ANKRD12: variants seen among roughly 807,000 people sequenced by gnomAD.
ANKRD12 encodes ankyrin repeat domain-containing protein 12.
A neutral mutation model predicts 183.4 loss-of-function variants in ANKRD12; 85 were observed. The ratio of observed to expected loss-of-function variants is 0.46; its 90% CI spans 0.39 to 0.56. ANKRD12 has a LOEUF of 0.56. Ranked by LOEUF, ANKRD12 falls within the 20% of genes least tolerant of loss-of-function variation. ANKRD12 has a pLI of 0.00. For synonymous variants in ANKRD12, 914 were observed against 800.2 expected (o/e 1.14, Z -2.40); for missense variants, 2,405 against 2,357.1 (o/e 1.02, Z -0.42).
chr18:9,251,066 T>C (rs185133602), intron 8 of ANKRD12, among the ~76,000 whole-genome samples: 76 of 152,350 alleles, frequency 5.0e-4, no homozygotes, highest in African/African-American at 1.7e-3. Flanking sequence ...GACAGTAATA[T>C]ATTTTCTAAA....
At position 9,283,790 on chromosome 18, in the gene ANKRD12, T is replaced by C. The variant is rs1274947440; in HGVS notation, c.*2664T>C. On this transcript the variant is annotated 3_prime_UTR_variant, in exon 13 of 13. Transcript: ENST00000262126. ...AAGAGTGAAATGTGTGCTAACTGTT[T>C]TTTTACTTAATTTTACTTGGGCAGC... is the stretch of plus-strand genomic sequence containing the variant. 1 of 152,662 alleles carries C rather than the reference T, an allele frequency of 6.6e-6. No individual in the cohort carries two copies. Among genetic ancestry groups the C allele is most frequent in the Admixed American group, 6.5e-5 (1 of 15,284 alleles). 9.5% of individuals were successfully genotyped at this position (152,662 alleles called of 1,614,324 possible). A position where few individuals can be genotyped will look rare whatever the true frequency, so the allele number is the denominator to read the frequency against.
At position 9,217,832 on chromosome 18, in the gene ANKRD12, T is replaced by G. The variant is rs549328266; in HGVS notation, c.795+932T>G. ...GCATTTTATGTTGTTTTCTGTTATT[T>G]ACTCTGGAACTGCTTGTCACCTAGA... On this transcript the variant is annotated intron_variant, in intron 7 of 12. Coordinates refer to ENST00000262126, the MANE Select transcript of ANKRD12 (RefSeq NM_015208.5). Among the ~76,000 whole-genome samples, 9 of 152,338 alleles carry G rather than the reference T, an allele frequency of 5.9e-5. No homozygotes were observed. In the South Asian group the frequency reaches 1.9e-3, roughly 32 times the overall value.
At chr18:9,164,141 G>GAT (rs1252436783) in intron 1 of ANKRD12, among the ~76,000 whole-genome samples, 1 of 152,140 alleles carries the variant, frequency 6.6e-6, no homozygotes, top group African/African-American at 2.4e-5. Context: ...CATTTAATAT[G>GAT]ATAATAGCTG....
chr18:9,223,608 T>C (rs935604491), intron 8 of ANKRD12, among the ~76,000 whole-genome samples: 1 of 152,124 alleles, frequency 6.6e-6, no homozygotes, highest in African/African-American at 2.4e-5. Context: ...GATAAAAGTG[T>C]ATTGCCTTCT....
intron 3 of ANKRD12, among the ~76,000 whole-genome samples, chr18:9,196,250 A>G (rs961468170): frequency 4.7e-5 from 7 of 148,216 alleles, no homozygotes; most frequent in Non-Finnish European, 8.9e-5. Flanking sequence ...AGTGCTTTTC[A>G]TAGAATTTTT....
At chr18:9,154,637 TG>T (rs1373281215) in intron 1 of ANKRD12, among the ~76,000 whole-genome samples, 1 of 152,184 alleles carries the variant, frequency 6.6e-6, no homozygotes, top group Non-Finnish European at 1.5e-5. Flanking sequence ...GTGACAAGAA[TG>T]TAAGCAGGAA....
chr18:9,201,179 C>T (rs568359519), intron 3 of ANKRD12, among the ~76,000 whole-genome samples: 4 of 152,210 alleles, frequency 2.6e-5, no homozygotes, highest in South Asian at 2.1e-4. Context: ...GTATAGGTAT[C>T]GTATAATATC....
intron 8 of ANKRD12, among the ~76,000 whole-genome samples, chr18:9,239,297 G>C (rs1342375725): frequency 6.6e-6 from 1 of 152,168 alleles, no homozygotes; most frequent in Non-Finnish European, 1.5e-5. Context: ...ATGAAAAGCA[G>C]CTTTGTTATA....
intron 10 of ANKRD12, among the ~76,000 whole-genome samples, chr18:9,268,315 C>T (rs556472117): frequency 1.1e-4 from 17 of 151,964 alleles, no homozygotes; most frequent in African/African-American, 4.1e-4. Flanking sequence ...GACACAACAA[C>T]AAAAAAAGAG....
chr18:9,239,096 A>G (rs1035820206), intron 8 of ANKRD12, among the ~76,000 whole-genome samples: 10 of 152,202 alleles, frequency 6.6e-5, no homozygotes, highest in African/African-American at 2.4e-4. Flanking sequence ...CTGTACTCCA[A>G]CCTGGACAAC....
intron 9 of ANKRD12, chr18:9,260,395 C>T (rs1478336852): frequency 6.6e-6 from 1 of 152,172 alleles, no homozygotes; most frequent in Non-Finnish European, 1.5e-5. Context: ...AAAACATACC[C>T]AGAGTCAGTT....
chr18:9,267,051 C>A (rs1271698731), intron 10 of ANKRD12, among the ~76,000 whole-genome samples: 3 of 152,072 alleles, frequency 2.0e-5, no homozygotes, highest in Admixed American at 6.5e-5. Flanking sequence ...GGGATCAATT[C>A]AACAAGAAGA....
In ANKRD12 at chr18:9,227,525, G is replaced by A. The variant is rs548304498; in HGVS notation, c.943+5526G>A. Among the ~76,000 whole-genome samples, 111 of 152,292 alleles carry A rather than the reference G, an allele frequency of 7.3e-4. 1 individual carries two copies. The highest frequency in any genetic ancestry group is 7.2e-3 in the Admixed American group (110 of 15,312). On this transcript the variant is annotated intron_variant, in intron 8 of 12. Coordinates refer to ENST00000262126, the MANE Select transcript of ANKRD12 (RefSeq NM_015208.5). ...GGGAAGCTATCAAAGACTAATATAA[G>A]ATCTTACCGAAAGGTGTTAGGAGAC...
In ANKRD12 at chr18:9,257,753, A is replaced by G. The variant is rs917123467; in HGVS notation, c.4486A>G (p.Ser1496Gly). Residue 1496 changes from serine (S) to glycine (G), a missense_variant, in exon 9 of 13, where the codon AGC (serine) becomes GGC (glycine). Coordinates refer to ENST00000262126, the MANE Select transcript of ANKRD12 (RefSeq NM_015208.5). ...MPPQQPCSFP[S>G]QSLSDAESIS... The stretch of plus-strand genomic sequence containing the variant: ...TCCACAGCAGCCTTGCTCTTTCCCC[A>G]GCCAATCACTTTCAGATGCTGAATC... 2 of 1,614,078 alleles carry G rather than the reference A, an allele frequency of 1.2e-6. No homozygotes were observed. The highest frequency in any genetic ancestry group is 3.3e-5 in the Admixed American group (2 of 59,968).
chr18:9,141,501 G>A (rs898910910), intron 1 of ANKRD12, among the ~76,000 whole-genome samples: 2 of 152,120 alleles, frequency 1.3e-5, no homozygotes, highest in African/African-American at 4.8e-5. Flanking sequence ...TGATTAGTGC[G>A]ATCCTCCAAA....
In ANKRD12 at chr18:9,198,836, A is replaced by C. The variant is rs1253393890; in HGVS notation, c.235+3138A>C. Among the ~76,000 whole-genome samples the C allele has an allele frequency of 2.0e-5, 3 of 152,158 alleles. No homozygotes were observed. In the East Asian group the frequency reaches 5.8e-4, roughly 29 times the overall value. ...GCTGGGATTACAGGAGTGAGCCAAC[A>C]TGCCTGGCCTCTAATAATTACTGAT... On this transcript the variant is annotated intron_variant, in intron 3 of 12. Transcript: ENST00000262126.
rs374059491 is a variant in ANKRD12 at position 9,257,982 on chromosome 18, C to T, written c.4715C>T (p.Ala1572Val). 4.1e-5 allele frequency: 66 copies of T among 1,613,576 alleles called. No homozygotes were observed. Among genetic ancestry groups the T allele is most frequent in the African/African-American group, 1.2e-4 (9 of 74,876 alleles). The change falls in exon 9 of 13, where the codon GCA becomes GTA. Residue 1572 changes from alanine to valine, a missense_variant. Around this residue, in one of 7 missense-constraint regions of ANKRD12, gnomAD observed 1,983 missense variants for 1,725.9 expected, o/e 1.15. Transcript: ENST00000262126. ...TACTCTGACAGCACTATTCAAGAAGCATCACCAAACTTTGAGAAAGCTTAT... is the reference window on the plus strand; with the variant it reads ...TACTCTGACAGCACTATTCAAGAAGTATCACCAAACTTTGAGAAAGCTTAT... ...PVYSDSTIQEASPNFEKAYTL... is the reference protein window; with the variant it reads ...PVYSDSTIQEVSPNFEKAYTL...
chr18:9,261,897 C>G (rs1007361515), intron 9 of ANKRD12, among the ~76,000 whole-genome samples: 2 of 152,154 alleles, frequency 1.3e-5, no homozygotes, highest in African/African-American at 2.4e-5. Flanking sequence ...CCTCTACATT[C>G]CTTGAAATAA....
At chr18:9,194,064 T>C (rs1238726627) in intron 2 of ANKRD12, among the ~76,000 whole-genome samples, 1 of 152,258 alleles carries the variant, frequency 6.6e-6, no homozygotes, top group Admixed American at 6.5e-5. Context: ...GGTTGTAATC[T>C]ACTGGCCTGG....
Sources: allele counts gnomAD v4.1 joint callset (sites outside exome capture counted in the v4.1 genomes callset), GRCh38; gene constraint gnomAD v4.1.1; regional missense constraint gnomAD v4.1.1; transcripts MANE v1.5; gene names NCBI Gene and HGNC (gene_info 2026-07-23, HGNC 2026-07-21).